Variants in ADCK1 observed in about 807,000 individuals in gnomAD.
ADCK1 encodes the protein aarF domain-containing protein kinase 1.
In ADCK1, 41 loss-of-function variants were observed where a neutral mutation model predicts 52.3. The observed-to-expected ratio is 0.78, with a 90% CI of 0.61 to 1.02. The LOEUF (loss-of-function observed/expected upper bound fraction) is 1.02, where lower values mean the gene tolerates loss of function less well. Ranked by LOEUF, ADCK1 falls within the 50% of genes least tolerant of loss-of-function variation. ADCK1 has a pLI of 0.00. For synonymous variants in ADCK1, 250 were observed against 274.6 expected (o/e 0.91, Z 0.89); for missense variants, 658 against 679.5 (o/e 0.97, Z 0.35).
intron 4 of ADCK1, among the ~76,000 whole-genome samples, chr14:77,864,282 C>T (rs2082615813): frequency 6.6e-6 from 1 of 152,122 alleles, no homozygotes; most frequent in Admixed American, 6.6e-5. Flanking sequence ...GGCAGCTTGT[C>T]TTGTTTGCTC....
intron 1 of ADCK1, among the ~76,000 whole-genome samples, chr14:77,817,647 T>TA (rs1566632002): frequency 6.6e-6 from 1 of 152,002 alleles, no homozygotes; most frequent in Non-Finnish European, 1.5e-5. Context: ...CCTCTAACTG[T>TA]AAAAAACTCC....
intron 9 of ADCK1, among the ~76,000 whole-genome samples, chr14:77,929,636 A>G (rs1305971135): frequency 6.6e-6 from 1 of 152,048 alleles, no homozygotes. Flanking sequence ...GCACCTCCCT[A>G]TGGAGCATGA....
At chr14:77,826,386 G>A (rs911859822) in intron 3 of ADCK1, among the ~76,000 whole-genome samples, 5 of 152,184 alleles carry the variant, frequency 3.3e-5, no homozygotes, top group African/African-American at 1.2e-4. Context: ...TTCGGCAGGC[G>A]GTGACTTCGA....
intron 1 of ADCK1, among the ~76,000 whole-genome samples, chr14:77,800,785 A>G (rs2081092791): frequency 6.6e-6 from 1 of 152,258 alleles, no homozygotes; most frequent in African/African-American, 2.4e-5. Context: ...TCCCAGGGTT[A>G]AGTGGCATTT....
At chr14:77,882,190 G>A (rs2083041663) in intron 4 of ADCK1, among the ~76,000 whole-genome samples, 2 of 152,196 alleles carry the variant, frequency 1.3e-5, no homozygotes, top group South Asian at 4.1e-4. Context: ...TTCCATTAGT[G>A]TGGACAGATA....
intron 7 of ADCK1, among the ~76,000 whole-genome samples, chr14:77,919,823 CCTGATCA>C (rs1354225161): frequency 6.6e-6 from 1 of 151,944 alleles, no homozygotes; most frequent in East Asian, 1.9e-4. Context: ...TTTGCATTTC[CCTGATCA>C]TTAGTGACGT....
At position 77,925,898 on chromosome 14, in the gene ADCK1, G is replaced by T. The variant is rs986691431; in HGVS notation, c.1143G>T (p.Leu381=). The T allele has an allele frequency of 3.1e-6, 5 of 1,614,110 alleles. No individual in the cohort carries two copies. In the African/African-American group the frequency reaches 6.7e-5, roughly 22 times the overall value. The change falls in exon 9 of 11, where the codon CTG becomes CTT. Residue 381 remains leucine, a synonymous_variant. Transcript: ENST00000238561. ...TCTACCCCTTGTTTGCCTGCATGCT[G>T]ACGGCGCGATCGTGGGACTCGGTCA... ...GDLYPLFACM[L]TARSWDSVNR...
intron 1 of ADCK1, among the ~76,000 whole-genome samples, chr14:77,811,266 A>G (rs1027974643): frequency 6.6e-6 from 1 of 151,600 alleles, no homozygotes; most frequent in African/African-American, 2.4e-5. Context: ...AGCATCTGCC[A>G]CTCTTGAGTT....
At chr14:77,834,417 C>G (rs1279246388) in intron 3 of ADCK1, among the ~76,000 whole-genome samples, 1 of 152,200 alleles carries the variant, frequency 6.6e-6, no homozygotes, top group African/African-American at 2.4e-5. Context: ...CTGGCTTGCA[C>G]CCACTCTTGT....
intron 5 of ADCK1, among the ~76,000 whole-genome samples, chr14:77,888,933 C>T (rs900807035): frequency 3.3e-5 from 5 of 152,140 alleles, no homozygotes; most frequent in African/African-American, 1.2e-4. Flanking sequence ...TTGTAGCCCC[C>T]ATAAGCCCCA....
intron 1 of ADCK1, among the ~76,000 whole-genome samples, chr14:77,801,884 T>C (rs770878889): frequency 2.2e-4 from 33 of 152,040 alleles, no homozygotes; most frequent in Admixed American, 5.9e-4. Context: ...GAGGCTGCAG[T>C]GAGCCGAGAT....
chr14:77,860,038 G>T (rs1387273152), intron 4 of ADCK1, among the ~76,000 whole-genome samples: 1 of 152,108 alleles, frequency 6.6e-6, no homozygotes, highest in Admixed American at 6.5e-5. Context: ...CTGCCTATCT[G>T]TCCACCCAGC....
At chr14:77,813,767 G>GT (rs539507254) in intron 1 of ADCK1, among the ~76,000 whole-genome samples, 11,107 of 146,578 alleles carry the variant, frequency 0.076, 498 homozygotes, top group Non-Finnish European at 0.095. Context: ...TTGTTTTCCT[G>GT]TTTTTTTTTT....
At chr14:77,878,826 C>T (rs994068072) in intron 4 of ADCK1, among the ~76,000 whole-genome samples, 10 of 152,136 alleles carry the variant, frequency 6.6e-5, no homozygotes, top group African/African-American at 9.7e-5. Flanking sequence ...TGATAGCCAA[C>T]GGTGGATTAT....
chr14:77,869,804 T>G (rs887332407), intron 4 of ADCK1, among the ~76,000 whole-genome samples: 3 of 152,156 alleles, frequency 2.0e-5, no homozygotes, highest in Non-Finnish European at 4.4e-5. Flanking sequence ...CACAGCTGCT[T>G]CCCTCCATGA....
chr14:77,852,697 A>ATATATAT (rs1216959395), intron 3 of ADCK1, among the ~76,000 whole-genome samples: 1 of 80,868 alleles, frequency 1.2e-5, no homozygotes, highest in Non-Finnish European at 2.5e-5. Flanking sequence ...ATATATATAT[A>ATATATAT]TATATATTTC....
intron 7 of ADCK1, 53 bp downstream of exon 7, chr14:77,907,972 G>T: frequency 6.5e-7 from 1 of 1,530,460 alleles, no homozygotes; most frequent in Non-Finnish European, 9.0e-7. Context: ...CTTGGTCAAG[G>T]CTGCCCAGGA....
At chr14:77,910,551 C>G (rs1402527225) in intron 7 of ADCK1, among the ~76,000 whole-genome samples, 1 of 152,198 alleles carries the variant, frequency 6.6e-6, no homozygotes, top group Non-Finnish European at 1.5e-5. Flanking sequence ...TCCCAGAGGC[C>G]TCATCCCCGC....
intron 3 of ADCK1, among the ~76,000 whole-genome samples, chr14:77,848,848 C>T (rs1429419453): frequency 3.4e-5 from 5 of 148,366 alleles, no homozygotes; most frequent in African/African-American, 9.9e-5. Context: ...TTTTTTGAGA[C>T]GGAGTCTCAC....
Sources: allele counts gnomAD v4.1 joint callset (sites outside exome capture counted in the v4.1 genomes callset), GRCh38; gene constraint gnomAD v4.1.1; transcripts MANE v1.5; gene names NCBI Gene and HGNC (gene_info 2026-07-23, HGNC 2026-07-21).